Variants in GRID2 observed in about 807,000 individuals in gnomAD.
GRID2 encodes glutamate ionotropic receptor delta type subunit 2.
GRID2 carries 33 observed loss-of-function variants against 114.8 expected under a neutral mutation model. The observed-to-expected ratio is 0.29, with a 90% confidence interval of 0.22 to 0.38. The LOEUF is 0.38. Among genes scored for constraint, GRID2 ranks in the 10% least tolerant of loss-of-function variants. GRID2 has a pLI of 1.00. For synonymous variants in GRID2, 505 were observed against 449.9 expected (o/e 1.12, Z -1.55); for missense variants, 1,184 against 1,257.7 (o/e 0.94, Z 0.89).
At chr4:92,924,873 A>AT (rs1383633675) in intron 2 of GRID2, among the ~76,000 whole-genome samples, 1 of 152,146 alleles carries the variant, frequency 6.6e-6, no homozygotes, top group Non-Finnish European at 1.5e-5. Context: ...TAGCTTCATC[A>AT]TATTAATGTG....
intron 2 of GRID2, among the ~76,000 whole-genome samples, chr4:92,979,331 C>G (rs997345073): frequency 2.0e-5 from 3 of 151,452 alleles, no homozygotes; most frequent in Non-Finnish European, 1.5e-5. Context: ...TATGTAGCTC[C>G]CTTTATAATT....
rs140374378 is a variant in GRID2, at chr4:92,698,692, A to G, written c.244+108406A>G. Among the ~76,000 whole-genome samples, 1,068 of 152,032 alleles carry G rather than the reference A, an allele frequency of 7.0e-3. 15 individuals are homozygous for G. The highest frequency in any genetic ancestry group is 0.025 in the African/African-American group (1,026 of 41,544). On this transcript the variant is annotated intron_variant, in intron 2 of 15. Coordinates refer to ENST00000282020, the MANE Select transcript of GRID2 (RefSeq NM_001510.4). ...CAAAGAAGCTTCTTTGAAATAATTC[A>G]TAAATATATTATTTTAAAAATAAGA...
At chr4:93,677,530 C>T (rs954615535) in intron 14 of GRID2, among the ~76,000 whole-genome samples, 1 of 152,164 alleles carries the variant, frequency 6.6e-6, no homozygotes, top group African/African-American at 2.4e-5. Context: ...GAGGCACCCC[C>T]CAGTAGGGGC....
chr4:93,685,992 A>G (rs1296633917), intron 14 of GRID2, among the ~76,000 whole-genome samples: 3 of 152,056 alleles, frequency 2.0e-5, no homozygotes, highest in African/African-American at 7.2e-5. Context: ...AGCTCTTGCC[A>G]TTAGTACCAC....
chr4:92,487,637 A>T (rs1035337096), intron 1 of GRID2, among the ~76,000 whole-genome samples: 2 of 151,036 alleles, frequency 1.3e-5, no homozygotes, highest in Admixed American at 1.3e-4. Flanking sequence ...GCTATATCCC[A>T]CTCCCCTGTT....
rs144598637 is a variant in GRID2, at chr4:93,568,119, G to T, written c.2193+52708G>T. On this transcript the variant is annotated intron_variant, in intron 13 of 15. Transcript: ENST00000282020. ...GGACAACATACCTAACCTCCTCCAGGTTCTGTTTCCTCACCTATAAGGTAG... is the reference window on the plus strand; with the variant it reads ...GGACAACATACCTAACCTCCTCCAGTTTCTGTTTCCTCACCTATAAGGTAG... Among the ~76,000 whole-genome samples, 12 of 152,232 alleles carry T rather than the reference G, an allele frequency of 7.9e-5. No individual in the cohort carries two copies. In the East Asian group the frequency reaches 2.3e-3, roughly 29 times the overall value.
At chr4:92,383,186 A>G (rs1729702600) in intron 1 of GRID2, among the ~76,000 whole-genome samples, 2 of 151,906 alleles carry the variant, frequency 1.3e-5, no homozygotes, top group South Asian at 2.1e-4. Context: ...CCATGATCCA[A>G]TCACCTCCTA....
rs11437016 is a variant in GRID2 at position 93,736,861 on chromosome 4, C to CAA, written c.2361-32331_2361-32330dup. Among the ~76,000 whole-genome samples the CAA allele has an allele frequency of 2.2e-3, 268 of 122,306 alleles. 1 individual carries two copies. The highest frequency in any genetic ancestry group is 0.011 in the East Asian group (46 of 4,342). 80.2% of individuals were successfully genotyped at this position (122,306 alleles called of 152,430 possible). A position where few individuals can be genotyped will look rare whatever the true frequency, so the allele number is the denominator to read the frequency against. On this transcript the variant is annotated intron_variant, in intron 14 of 15. Coordinates refer to ENST00000282020, the MANE Select transcript of GRID2 (RefSeq NM_001510.4). ...CAGGTTGTTACCTTACAGACTTGCT[C>CAA]AAAAAAAAAAAAAAAAAAATCCATC...
intron 1 of GRID2, among the ~76,000 whole-genome samples, chr4:92,420,077 T>C (rs1731823725): frequency 1.3e-5 from 2 of 152,064 alleles, no homozygotes; most frequent in Admixed American, 1.3e-4. Context: ...AGTGAAGGGA[T>C]TTTAGCACTT....
At chr4:92,532,791 A>C (rs1725416661) in intron 1 of GRID2, among the ~76,000 whole-genome samples, 1 of 152,154 alleles carries the variant, frequency 6.6e-6, no homozygotes, top group Non-Finnish European at 1.5e-5. Context: ...TTGTACTTCT[A>C]GACTTACAGT....
intron 1 of GRID2, among the ~76,000 whole-genome samples, chr4:92,314,060 G>T (rs755531833): frequency 2.0e-5 from 3 of 151,820 alleles, no homozygotes; most frequent in Non-Finnish European, 4.4e-5. Context: ...CCTGAGTTTG[G>T]ATAGAAAACG....
At chr4:92,360,589 G>A (rs1728568696) in intron 1 of GRID2, among the ~76,000 whole-genome samples, 1 of 152,034 alleles carries the variant, frequency 6.6e-6, no homozygotes, top group Admixed American at 6.6e-5. Context: ...ACAAGTGAAA[G>A]TAGAGTCACA....
chr4:92,960,094 A>G lies in GRID2; in HGVS notation c.245-124901A>G, dbSNP rs1249136537. Among the ~76,000 whole-genome samples the G allele has an allele frequency of 3.3e-5, 5 of 152,142 alleles. No individual in the cohort carries two copies. The East Asian group carries it at 7.7e-4, about 24-fold the overall frequency. On this transcript the variant is annotated intron_variant, in intron 2 of 15. Transcript: ENST00000282020. ...ATTTTCAGCTATCTTTCTGTTATGG[A>G]TTTCTGGTTTAATTTTATTGTGGTC...
chr4:92,854,201 C>T (rs1225713039), intron 2 of GRID2, among the ~76,000 whole-genome samples: 1 of 151,846 alleles, frequency 6.6e-6, no homozygotes, highest in East Asian at 1.9e-4. Flanking sequence ...GAGTAGAGAA[C>T]TAGTAGTATG....
chr4:92,634,747 C>CTTT (rs3077529), intron 2 of GRID2, among the ~76,000 whole-genome samples: 25 of 121,198 alleles, frequency 2.1e-4, no homozygotes, highest in African/African-American at 3.7e-4. Flanking sequence ...TTTTTTTTTT[C>CTTT]TTTTTTTTTT....
intron 1 of GRID2, among the ~76,000 whole-genome samples, chr4:92,385,149 T>G (rs1032653886): frequency 1.6e-4 from 25 of 151,872 alleles, no homozygotes; most frequent in African/African-American, 5.8e-4. Flanking sequence ...TGTTGATATT[T>G]ATAATTTCAT....
intron 2 of GRID2, among the ~76,000 whole-genome samples, chr4:92,676,273 G>A (rs1024190017): frequency 7.1e-5 from 10 of 141,816 alleles, no homozygotes; most frequent in Non-Finnish European, 1.5e-4. Context: ...TCCGCCTCCC[G>A]GGTTCATGCC....
intron 1 of GRID2, among the ~76,000 whole-genome samples, chr4:92,425,607 C>G (rs928536700): frequency 1.3e-4 from 20 of 152,184 alleles, no homozygotes; most frequent in African/African-American, 4.1e-4. Context: ...CTGACCACCT[C>G]TTCTGTAGTA....
chr4:93,650,018 C>A (rs1392695428), intron 14 of GRID2, among the ~76,000 whole-genome samples: 1 of 152,156 alleles, frequency 6.6e-6, no homozygotes, highest in Non-Finnish European at 1.5e-5. Flanking sequence ...TGACCCAGCC[C>A]CCCATCTGCA....
Sources: allele counts gnomAD v4.1 joint callset (sites outside exome capture counted in the v4.1 genomes callset), GRCh38; gene constraint gnomAD v4.1.1; transcripts MANE v1.5; gene names NCBI Gene and HGNC (gene_info 2026-07-23, HGNC 2026-07-21).